Variants in RGS8 observed in about 807,000 individuals in gnomAD.
RGS8 encodes the protein regulator of G-protein signaling 8.
A neutral mutation model predicts 21.7 loss-of-function variants in RGS8; 8 were observed. The ratio of observed to expected loss-of-function variants is 0.37; its 90% CI spans 0.22 to 0.66. The LOEUF (loss-of-function observed/expected upper bound fraction) is 0.66. Ranked by LOEUF, RGS8 falls within the 30% of genes least tolerant of loss-of-function variation. RGS8 has a pLI of 0.59. For synonymous variants in RGS8, 80 were observed against 83.6 expected, an observed-to-expected ratio of 0.96 and a Z score of 0.24; for missense variants, 157 against 217.9, an observed-to-expected ratio of 0.72 and a Z score of 1.76.
At chr1:182,652,669 C>A (rs183936526) in intron 5 of RGS8, among the ~76,000 whole-genome samples, 8 of 152,256 alleles carry the variant, frequency 5.3e-5, no homozygotes, top group Non-Finnish European at 8.8e-5. Flanking sequence ...ACAGAACATG[C>A]CGTCAAGGGG....
upstream of RGS8, among the ~76,000 whole-genome samples, chr1:182,675,325 T>C (rs74442894): frequency 6.6e-6 from 1 of 152,176 alleles, no homozygotes; most frequent in East Asian, 1.9e-4. Context: ...CTTCATTTCC[T>C]CCCATCCATT....
the RGS8 span, among the ~76,000 whole-genome samples, chr1:182,705,446 C>G: frequency 6.6e-6 from 1 of 152,162 alleles, no homozygotes; most frequent in East Asian, 1.9e-4. Context: ...AGAACATGCC[C>G]CACAGTCACA....
At chr1:182,670,408 A>G (rs1211942077) in intron 2 of RGS8, among the ~76,000 whole-genome samples, 1 of 152,244 alleles carries the variant, frequency 6.6e-6, no homozygotes, top group Non-Finnish European at 1.5e-5. Context: ...CGAAGCAGGA[A>G]GGACATGAGT....
At chr1:182,710,591 G>T in the RGS8 span, among the ~76,000 whole-genome samples, 1 of 152,184 alleles carries the variant, frequency 6.6e-6, no homozygotes, top group African/African-American at 2.4e-5. Flanking sequence ...AGAAGAGAAG[G>T]CAAACAAAAC....
At chr1:182,648,184 C>T in exon 6 of RGS8, 4 of 1,613,648 alleles carry the variant, frequency 2.5e-6, no homozygotes, top group Non-Finnish European at 3.4e-6. Context: ...ATCCTATGGG[C>T]CTTAGAGACC....
the RGS8 span, among the ~76,000 whole-genome samples, chr1:182,747,649 C>A: frequency 0.011 from 1,751 of 152,272 alleles, 34 homozygotes; most frequent in African/African-American, 0.04. Flanking sequence ...GTGGAACAAG[C>A]AAGAGGCATC....
the RGS8 span, among the ~76,000 whole-genome samples, chr1:182,707,308 G>A: frequency 6.6e-6 from 1 of 152,188 alleles, no homozygotes; most frequent in Non-Finnish European, 1.5e-5. Flanking sequence ...CTGGGAGCTG[G>A]TCCAGCTGAG....
the RGS8 span, among the ~76,000 whole-genome samples, chr1:182,731,720 G>A: frequency 6.6e-6 from 1 of 152,198 alleles, no homozygotes; most frequent in Admixed American, 6.5e-5. Context: ...CGATTTAAAT[G>A]AAAACACAAA....
chr1:182,737,183 A>G, the RGS8 span, among the ~76,000 whole-genome samples: 1 of 151,848 alleles, frequency 6.6e-6, no homozygotes. Context: ...TTGGTGTCTA[A>G]TCTCCCTCTG....
chr1:182,691,921 G>T, the RGS8 span, among the ~76,000 whole-genome samples: 2 of 151,954 alleles, frequency 1.3e-5, no homozygotes, highest in African/African-American at 4.8e-5. Context: ...TCCAGTCTTT[G>T]CCCAAAGGCT....
downstream of RGS8, chr1:182,644,087 G>A (rs1461306119): frequency 6.6e-6 from 1 of 152,380 alleles, no homozygotes; most frequent in Non-Finnish European, 1.5e-5. Flanking sequence ...TGGGAGAGAG[G>A]GCAGGACTGG....
At chr1:182,649,214 C>T (rs1347300397) in intron 5 of RGS8, among the ~76,000 whole-genome samples, 2 of 152,122 alleles carry the variant, frequency 1.3e-5, no homozygotes, top group Non-Finnish European at 2.9e-5. Flanking sequence ...AGCTATGTTG[C>T]TATTTAATAA....
the RGS8 span, among the ~76,000 whole-genome samples, chr1:182,711,545 G>A: frequency 6.6e-6 from 1 of 152,184 alleles, no homozygotes; most frequent in South Asian, 2.1e-4. Flanking sequence ...AGGAAAGGAG[G>A]ACTGATAAGT....
At chr1:182,654,723 G>A (rs951447212) in intron 5 of RGS8, among the ~76,000 whole-genome samples, 2 of 151,832 alleles carry the variant, frequency 1.3e-5, no homozygotes, top group Non-Finnish European at 2.9e-5. Flanking sequence ...AAAAAAAACC[G>A]TCATACAATT....
At chr1:182,646,604 C>G in exon 7 of RGS8, 2 of 772,152 alleles carry the variant, frequency 2.6e-6, no homozygotes, top group Non-Finnish European at 2.1e-6. Context: ...GCCCTTCATT[C>G]CCTCCTCACC....
At chr1:182,735,572 C>T in the RGS8 span, among the ~76,000 whole-genome samples, 10 of 152,146 alleles carry the variant, frequency 6.6e-5, no homozygotes, top group African/African-American at 2.2e-4. Flanking sequence ...GGAAGATAAG[C>T]AGGGCGCTAT....
the RGS8 span, among the ~76,000 whole-genome samples, chr1:182,741,214 C>T: frequency 1.0e-3 from 137 of 130,648 alleles, 1 homozygote; most frequent in Admixed American, 1.9e-3. Flanking sequence ...CTGGACGGGG[C>T]GGCTGGCCGG....
the RGS8 span, among the ~76,000 whole-genome samples, chr1:182,743,151 A>C: frequency 5.3e-5 from 8 of 152,238 alleles, no homozygotes; most frequent in Admixed American, 3.9e-4. Flanking sequence ...CATGTGAGTC[A>C]GTACAAAGAG....
rs60707312 is a variant in RGS8, at chr1:182,678,656, C to T, written n.221+5700G>A. Among the ~76,000 whole-genome samples, 983 of 152,238 alleles carry T rather than the reference C, an allele frequency of 6.5e-3. 12 individuals are homozygous for T. The highest frequency in any genetic ancestry group is 0.021 in the African/African-American group (885 of 41,518). On this transcript the variant is annotated intron_variant and non_coding_transcript_variant, in intron 1 of 4. Coordinates refer to the RGS8 transcript ENST00000515211. Reference sequence around the variant, plus strand: ...CCATCTATACAGGCAGAATTCAGGGCCATATGTTAACACTGGACAAGGAGA... The same window carrying T: ...CCATCTATACAGGCAGAATTCAGGGTCATATGTTAACACTGGACAAGGAGA...
Sources: allele counts gnomAD v4.1 joint callset (sites outside exome capture counted in the v4.1 genomes callset), GRCh38; gene constraint gnomAD v4.1.1; transcripts MANE v1.5; gene names NCBI Gene and HGNC (gene_info 2026-07-23, HGNC 2026-07-21).